SCRG1: variants seen among roughly 807,000 people sequenced by gnomAD.
The protein encoded by SCRG1 is scrapie-responsive protein 1.
Under a neutral mutation model 7.7 loss-of-function variants are expected in SCRG1, and 3 were observed. The observed-to-expected ratio is 0.39, with a 90% CI of 0.18 to 1.01. The LOEUF (loss-of-function observed/expected upper bound fraction) is 1.01. SCRG1 is among the 50% of genes least tolerant of loss of function. The probability of loss-of-function intolerance (pLI) is 0.36; values close to 1 mark genes in which losing one functional copy is unlikely to be tolerated. For missense variants in SCRG1, 110 were observed against 117.2 expected (o/e 0.94, Z 0.28); for synonymous variants, 46 against 41.2 (o/e 1.12, Z -0.44).
At chr4:173,405,721 G>A (rs1739885618) in intron 1 of SCRG1, among the ~76,000 whole-genome samples, 1 of 152,130 alleles carries the variant, frequency 6.6e-6, no homozygotes, top group Admixed American at 6.5e-5. Flanking sequence ...TCCTTTAGTT[G>A]CCTCTTGTGT....
chr4:173,493,738 C>A, the SCRG1 span, among the ~76,000 whole-genome samples: 2 of 152,092 alleles, frequency 1.3e-5, no homozygotes, highest in Non-Finnish European at 2.9e-5. Context: ...AAATTGCCCT[C>A]TATTCTCTTA....
chr4:173,435,363 A>G, the SCRG1 span, among the ~76,000 whole-genome samples: 2 of 152,172 alleles, frequency 1.3e-5, no homozygotes, highest in Non-Finnish European at 2.9e-5. Context: ...CCAGTCATGA[A>G]TCCTCAGAAC....
chr4:173,411,535 A>T, the SCRG1 span, among the ~76,000 whole-genome samples: 1 of 152,236 alleles, frequency 6.6e-6, no homozygotes, highest in South Asian at 2.1e-4. Flanking sequence ...CAATCTGAGG[A>T]TAAATTGCAA....
chr4:173,511,162 G>T, the SCRG1 span, among the ~76,000 whole-genome samples: 469 of 151,968 alleles, frequency 3.1e-3, no homozygotes, highest in African/African-American at 0.011. This position sits in a 1 kb window ranked among gnomAD's most constrained non-coding sequence, Gnocchi z 5.2. Flanking sequence ...GAGACGGGGT[G>T]GGGGGGTGTT....
At chr4:173,510,736 C>A in the SCRG1 span, among the ~76,000 whole-genome samples, 1 of 152,090 alleles carries the variant, frequency 6.6e-6, no homozygotes, top group Non-Finnish European at 1.5e-5. This position sits in a 1 kb window ranked among gnomAD's most constrained non-coding sequence, Gnocchi z 5.7. Flanking sequence ...CCCACCCCGG[C>A]AACTGGAAGA....
chr4:173,502,285 G>A, the SCRG1 span, among the ~76,000 whole-genome samples: 1 of 152,108 alleles, frequency 6.6e-6, no homozygotes, highest in Non-Finnish European at 1.5e-5. This position sits in a 1 kb window ranked among gnomAD's most constrained non-coding sequence, Gnocchi z 4.6. Context: ...ATGGAAGAAA[G>A]GAAAATCATC....
At chr4:173,389,910 A>G in intron 2 of SCRG1, 1 of 405,050 alleles carries the variant, frequency 2.5e-6, no homozygotes, top group Non-Finnish European at 5.2e-6. Flanking sequence ...AAGTAATTTG[A>G]AAAAGCTAAT....
the SCRG1 span, chr4:173,419,201 T>C: frequency 2.2e-5 from 9 of 416,668 alleles, no homozygotes; most frequent in Admixed American, 2.4e-4. Flanking sequence ...TGTTCATAAG[T>C]TTATTGTCTT....
chr4:173,421,305 A>T, the SCRG1 span, among the ~76,000 whole-genome samples: 2 of 152,216 alleles, frequency 1.3e-5, no homozygotes, highest in African/African-American at 4.8e-5. Flanking sequence ...GAACAATGTC[A>T]AAGATAGCAT....
chr4:173,461,806 G>T, the SCRG1 span, among the ~76,000 whole-genome samples: 4 of 151,686 alleles, frequency 2.6e-5, no homozygotes, highest in African/African-American at 9.7e-5. Context: ...AAAACACAAA[G>T]AAATTCAAGA....
chr4:173,393,944 T>G (rs898562940), intron 1 of SCRG1, among the ~76,000 whole-genome samples: 1 of 152,178 alleles, frequency 6.6e-6, no homozygotes, highest in Non-Finnish European at 1.5e-5. Context: ...CTGCTTTCTT[T>G]TAGTTACCAT....
rs1739288592 is a variant in SCRG1 at position 173,387,906 on chromosome 4, GC to G, written c.*434del. The G allele has an allele frequency of 6.5e-6, 1 of 152,870 alleles. No homozygotes were observed. The highest frequency in any genetic ancestry group is 6.6e-5 in the Admixed American group (1 of 15,238). 9.5% of individuals were successfully genotyped at this position (152,870 alleles called of 1,614,324 possible). ...TGTAAAGAGGGGGTCTCACTATGTTGCCCAGGCTGGTCCCTTTTTCCTTCTT... is the reference window on the plus strand; with the variant it reads ...TGTAAAGAGGGGGTCTCACTATGTTGCCAGGCTGGTCCCTTTTTCCTTCTT... On this transcript the variant is annotated 3_prime_UTR_variant, in exon 3 of 3. Transcript: ENST00000296506.
the SCRG1 span, among the ~76,000 whole-genome samples, chr4:173,506,672 T>A: frequency 1.2e-3 from 184 of 151,788 alleles, 1 homozygote; most frequent in Admixed American, 2.8e-3. The surrounding 1 kb of genome is among the most constrained non-coding windows in gnomAD (Gnocchi z 5.3). Flanking sequence ...TGAGGCGGGG[T>A]TGTGGAGGAG....
At chr4:173,451,467 A>G in the SCRG1 span, among the ~76,000 whole-genome samples, 1 of 149,424 alleles carries the variant, frequency 6.7e-6, no homozygotes, top group Non-Finnish European at 1.5e-5. Context: ...TATTCTCAAA[A>G]GTTCTGACTA....
chr4:173,388,450 G>T, intron 2 of SCRG1, 55 bp from the exon 3 acceptor site: 1 of 1,225,902 alleles, frequency 8.2e-7, no homozygotes, highest in Non-Finnish European at 1.2e-6. Flanking sequence ...ATATTAGTTA[G>T]TCTATTCTAG....
the SCRG1 span, among the ~76,000 whole-genome samples, chr4:173,481,222 G>C: frequency 6.6e-6 from 1 of 152,140 alleles, no homozygotes; most frequent in Non-Finnish European, 1.5e-5. Context: ...AAAATTTGCA[G>C]TGGTAACAGT....
chr4:173,414,748 A>T, the SCRG1 span, among the ~76,000 whole-genome samples: 1 of 152,180 alleles, frequency 6.6e-6, no homozygotes, highest in Admixed American at 6.5e-5. Context: ...TGTTGAAAAG[A>T]GTGTGTGCTT....
At chr4:173,445,313 T>A in the SCRG1 span, among the ~76,000 whole-genome samples, 1 of 152,094 alleles carries the variant, frequency 6.6e-6, no homozygotes, top group African/African-American at 2.4e-5. Flanking sequence ...CCGGGCGCGA[T>A]GGCTCATGCC....
the SCRG1 span, among the ~76,000 whole-genome samples, chr4:173,453,015 T>C: frequency 1.3e-5 from 2 of 152,174 alleles, no homozygotes; most frequent in African/African-American, 4.8e-5. Context: ...GACTCCTGGG[T>C]CACACATAAA....
Sources: allele counts gnomAD v4.1 joint callset (sites outside exome capture counted in the v4.1 genomes callset), GRCh38; gene constraint gnomAD v4.1.1; non-coding constraint Gnocchi (gnomAD v3.1); transcripts MANE v1.5; gene names NCBI Gene and HGNC (gene_info 2026-07-23, HGNC 2026-07-21).